Variants in MAP7D2 observed in about 807,000 individuals in gnomAD.
The protein encoded by MAP7D2 is MAP7 domain-containing protein 2.
Under a neutral mutation model 63.5 loss-of-function variants are expected in MAP7D2, and 33 were observed. The ratio of observed to expected loss-of-function variants is 0.52; its 90% CI spans 0.39 to 0.70. The LOEUF (loss-of-function observed/expected upper bound fraction) is 0.70, where lower values mean the gene tolerates loss of function less well. Among genes scored for constraint, MAP7D2 ranks in the 30% least tolerant of loss-of-function variants. The pLI is 0.00. For synonymous variants in MAP7D2, 224 were observed against 223.7 expected, an observed-to-expected ratio of 1.00 and a Z score of -0.01; for missense variants, 626 against 604.0, an observed-to-expected ratio of 1.04 and a Z score of -0.38.
chrX:20,035,720 C>G (rs932641614), intron 8 of MAP7D2, among the ~76,000 whole-genome samples: 10 of 109,930 alleles, frequency 9.1e-5, no homozygotes, highest in African/African-American at 3.3e-4. Context: ...GAAACCCCAT[C>G]TCTACTAAAA....
At chrX:20,061,088 T>C (rs1305616267) in intron 3 of MAP7D2, among the ~76,000 whole-genome samples, 1 of 100,609 alleles carries the variant, frequency 9.9e-6, no homozygotes, top group Non-Finnish European at 2.0e-5. Context: ...TGCAGAGGCT[T>C]TTCTCTGGCT....
rs781764731 is a variant in MAP7D2, at chrX:20,096,073, C to A, written c.130+20677G>T. 1.3e-4 allele frequency among the ~76,000 whole-genome samples: 9 copies of A among 70,680 alleles called. No individual in the cohort carries two copies. The East Asian group carries it at 4.4e-3, about 35-fold the overall frequency. The allele number at this position is 70,680 out of a possible 115,157, so 61.4% of individuals were successfully genotyped here. ...CTCCAGCCTGGGCAACAGAGCAAGA[C>A]TCTTCCTCAAAAAAAAAAAAAAAAA... On this transcript the variant is annotated intron_variant, in intron 1 of 16. Transcript: ENST00000379643.
intron 3 of MAP7D2, among the ~76,000 whole-genome samples, chrX:20,057,496 C>T (rs2065095709): frequency 9.0e-6 from 1 of 111,474 alleles, no homozygotes; most frequent in African/African-American, 3.3e-5. Context: ...AACCATTAGG[C>T]TTCGGCTTCT....
chrX:20,095,109 C>T (rs1407991684), intron 1 of MAP7D2, among the ~76,000 whole-genome samples: 5 of 110,379 alleles, frequency 4.5e-5, no homozygotes, highest in Non-Finnish European at 7.6e-5. Flanking sequence ...GAGATGATCG[C>T]ATGACCTCGT....
At chrX:20,064,421 C>A (rs1338026774) in intron 2 of MAP7D2, among the ~76,000 whole-genome samples, 1 of 112,148 alleles carries the variant, frequency 8.9e-6, no homozygotes, top group Non-Finnish European at 1.9e-5. Context: ...ACACAGTTGA[C>A]ACTTGAAGGT....
Position 20,050,855 on chromosome X carries a change from T to TG in MAP7D2, c.686dup (p.Val230SerfsTer9), listed in dbSNP as rs1219588053. 1 of 1,194,099 alleles carries TG rather than the reference T, an allele frequency of 8.4e-7. No homozygotes were observed. ...CATTGGCCTGCCCAGAGAGCATGAC[T>TG]GAAGCTCTGCTTCTGGCTAAAGAAG... On this transcript the variant is annotated frameshift_variant, in exon 6 of 17. Coordinates refer to ENST00000379643, the MANE Select transcript of MAP7D2 (RefSeq NM_001168465.2). LOFTEE classifies it high-confidence loss of function.
intron 7 of MAP7D2, among the ~76,000 whole-genome samples, chrX:20,043,545 C>T (rs781538609): frequency 1.8e-5 from 2 of 111,821 alleles, no homozygotes; most frequent in Admixed American, 1.9e-4. Context: ...ATGAATGAGC[C>T]GTCTCAGATG....
intron 3 of MAP7D2, among the ~76,000 whole-genome samples, chrX:20,060,737 G>A (rs1475437518): frequency 9.0e-6 from 1 of 110,737 alleles, no homozygotes; most frequent in Non-Finnish European, 1.9e-5. Flanking sequence ...ATGAGTTTAA[G>A]GTCAGGGTGT....
chrX:20,097,886 G>T (rs1367994127), intron 1 of MAP7D2, among the ~76,000 whole-genome samples: 1 of 111,067 alleles, frequency 9.0e-6, no homozygotes. Context: ...TTCATCTATA[G>T]CCTTATGGTC....
chrX:20,026,254 C>T (rs1295958099), intron 8 of MAP7D2, among the ~76,000 whole-genome samples: 1 of 111,795 alleles, frequency 8.9e-6, no homozygotes, highest in Non-Finnish European at 1.9e-5. Context: ...TTCCCTACTC[C>T]CTCTTTTTAG....
chrX:20,029,995 C>T (rs923411873), intron 8 of MAP7D2, among the ~76,000 whole-genome samples: 2 of 112,096 alleles, frequency 1.8e-5, no homozygotes, highest in Non-Finnish European at 3.8e-5. Context: ...TCAGACTGCA[C>T]GGCTCTCTGG....
At chrX:20,011,105 T>C in intron 15 of MAP7D2, 53 bp from the exon 16 acceptor site, 1 of 1,100,496 alleles carries the variant, frequency 9.1e-7, no homozygotes, top group Non-Finnish European at 1.2e-6. Flanking sequence ...ACAGACAACA[T>C]GGCACAATAT....
At chrX:20,095,210 TTTTGTTTGTTTGTTTG>T (rs750423835) in intron 1 of MAP7D2, among the ~76,000 whole-genome samples, 3 of 111,262 alleles carry the variant, frequency 2.7e-5, no homozygotes, top group African/African-American at 9.8e-5. Context: ...GATTTTAAGG[TTTTGTTTGTTTGTTTG>T]TTTGTTTGTT....
chrX:20,012,276 G>A (rs2073227610), intron 15 of MAP7D2, 73 bp downstream of exon 15: 6 of 859,645 alleles, frequency 7.0e-6, no homozygotes, highest in South Asian at 6.4e-5. Flanking sequence ...TATAAAAGAC[G>A]AAGAAACCAA....
chrX:20,109,288 A>G (rs935432917), intron 1 of MAP7D2, among the ~76,000 whole-genome samples: 12 of 109,080 alleles, frequency 1.1e-4, no homozygotes, highest in Non-Finnish European at 1.9e-4. Flanking sequence ...TTGGGAGGCC[A>G]AGGCAGGTGG....
intron 8 of MAP7D2, among the ~76,000 whole-genome samples, chrX:20,027,762 GA>G (rs757423411): frequency 7.0e-5 from 4 of 56,978 alleles, no homozygotes; most frequent in Non-Finnish European, 9.5e-5. Flanking sequence ...CGGGGGGAGA[GA>G]GAGAGAGAGA....
At chrX:20,065,615 A>G (rs2065337776) in intron 1 of MAP7D2, among the ~76,000 whole-genome samples, 1 of 111,399 alleles carries the variant, frequency 9.0e-6, no homozygotes, top group Admixed American at 9.5e-5. Context: ...GAGCACTATG[A>G]AAGACAACAC....
intron 1 of MAP7D2, among the ~76,000 whole-genome samples, chrX:20,090,551 A>C (rs953369487): frequency 8.9e-6 from 1 of 111,977 alleles, no homozygotes; most frequent in African/African-American, 3.2e-5. Flanking sequence ...TATAGCAAGT[A>C]CTGGCAAAGG....
intron 8 of MAP7D2, among the ~76,000 whole-genome samples, chrX:20,038,573 G>A (rs755909215): frequency 4.1e-4 from 46 of 111,266 alleles, no homozygotes; most frequent in Admixed American, 1.9e-3. Context: ...CAGGATTCAC[G>A]GGTCCAGGAA....
Sources: gnomAD v4.1 joint callset for allele counts (sites outside exome capture counted in the v4.1 genomes callset) on GRCh38, gnomAD v4.1.1 for gene constraint, MANE v1.5 for transcripts, NCBI Gene and HGNC (gene_info 2026-07-23, HGNC 2026-07-21) for gene names.